Variants in CRPPA observed in about 807,000 individuals in gnomAD.
The protein encoded by CRPPA is D-ribitol-5-phosphate cytidylyltransferase.
CRPPA carries 43 observed loss-of-function variants against 52.0 expected under a neutral mutation model. The observed-to-expected ratio is 0.83, with a 90% CI of 0.65 to 1.07. CRPPA has a LOEUF of 1.07. Ranked by LOEUF, CRPPA falls within the 50% of genes least tolerant of loss-of-function variation. CRPPA has a pLI of 0.00. For missense variants in CRPPA, 629 were observed against 551.7 expected (o/e 1.14, Z -1.40); for synonymous variants, 250 against 203.5 (o/e 1.23, Z -1.94).
intron 6 of CRPPA, chr7:16,269,916 A>G (rs1022746972): frequency 2.0e-5 from 3 of 152,206 alleles, no homozygotes; most frequent in Non-Finnish European, 4.4e-5. Context: ...AAAATTAATG[A>G]CATGAAGTGA....
intron 9 of CRPPA, among the ~76,000 whole-genome samples, chr7:16,095,005 T>C (rs561219247): frequency 6.6e-6 from 1 of 152,128 alleles, no homozygotes; most frequent in Non-Finnish European, 1.5e-5. Context: ...TTAATAATAA[T>C]ACATCAATGT....
chr7:16,286,097 A>AAAAT, intron 5 of CRPPA, among the ~76,000 whole-genome samples: 624 of 39,112 alleles, frequency 0.016, 87 homozygotes, highest in African/African-American at 0.025. Context: ...TAAAAAAAAA[A>AAAAT]ATATATATAT....
intron 6 of CRPPA, among the ~76,000 whole-genome samples, chr7:16,259,251 A>G (rs1395034392): frequency 1.3e-5 from 2 of 152,074 alleles, no homozygotes; most frequent in Non-Finnish European, 2.9e-5. Flanking sequence ...TAGGAAAAAA[A>G]TATGGACATA....
rs115661658 is a variant in CRPPA, at chr7:16,284,143, G to A, written c.836-5917C>T. Among the ~76,000 whole-genome samples, 1,006 of 152,070 alleles carry A rather than the reference G, an allele frequency of 6.6e-3. 12 individuals carry two copies. Among genetic ancestry groups the A allele is most frequent in the African/African-American group, 0.023 (956 of 41,530 alleles). On this transcript the variant is annotated intron_variant, in intron 5 of 9. Transcript: ENST00000407010. ...AGGACAAATCAAGGGCAAGGAGATG[G>A]ACTTGAAAAGTCTTTTCATTTATTG...
At chr7:16,202,586 G>A (rs1781884678) in intron 9 of CRPPA, among the ~76,000 whole-genome samples, 1 of 152,130 alleles carries the variant, frequency 6.6e-6, no homozygotes, top group Admixed American at 6.5e-5. Flanking sequence ...CAATTAGCAT[G>A]AATAAGTAAA....
At chr7:16,144,662 G>A (rs1172907153) in intron 9 of CRPPA, among the ~76,000 whole-genome samples, 1 of 152,114 alleles carries the variant, frequency 6.6e-6, no homozygotes, top group Non-Finnish European at 1.5e-5. Context: ...ACTGGGTGGG[G>A]GGAGTCAATG....
At position 16,087,552 on chromosome 7, in the gene CRPPA, C is replaced by T. The variant is rs1309678179; in HGVS notation, c.*4143G>A. The T allele has an allele frequency of 1.3e-5, 2 of 151,438 alleles. No homozygotes were observed. The highest frequency in any genetic ancestry group is 6.6e-5 in the Admixed American group (1 of 15,204). The allele number at this position is 151,438 out of a possible 1,614,324, so 9.4% of individuals were successfully genotyped here. A position where few individuals can be genotyped will look rare whatever the true frequency, so the allele number is the denominator to read the frequency against. Reference sequence around the variant, plus strand: ...AGATTTTAAATCAATAATTTATTTACATTTTGTTTTGTAAAAACAACATAT... The same window carrying T: ...AGATTTTAAATCAATAATTTATTTATATTTTGTTTTGTAAAAACAACATAT... On this transcript the variant is annotated 3_prime_UTR_variant, in exon 10 of 10. Coordinates refer to ENST00000407010, the MANE Select transcript of CRPPA (RefSeq NM_001101426.4).
At chr7:16,380,647 G>C (rs2128312984) in intron 2 of CRPPA, among the ~76,000 whole-genome samples, 1 of 152,204 alleles carries the variant, frequency 6.6e-6, no homozygotes, top group South Asian at 2.1e-4. Context: ...GTAAGCTATT[G>C]ATTATTGCCA....
intron 5 of CRPPA, among the ~76,000 whole-genome samples, chr7:16,283,552 A>G (rs191120055): frequency 0.052 from 7,742 of 149,580 alleles, 279 homozygotes; most frequent in Non-Finnish European, 0.081. Flanking sequence ...TATACTATAT[A>G]TGTGTGTGTG....
At chr7:16,253,383 AG>A in intron 8 of CRPPA, among the ~76,000 whole-genome samples, 1 of 152,328 alleles carries the variant, frequency 6.6e-6, no homozygotes, top group Middle Eastern at 3.4e-3. Flanking sequence ...ATTCAGGAGC[AG>A]GTTGTTCAGT....
At chr7:16,207,180 C>G (rs1464786551) in intron 9 of CRPPA, among the ~76,000 whole-genome samples, 2 of 152,064 alleles carry the variant, frequency 1.3e-5, no homozygotes, top group African/African-American at 4.8e-5. Flanking sequence ...TTGCATATGA[C>G]CAAATTCTAC....
chr7:16,387,063 A>G (rs981467636), intron 2 of CRPPA, among the ~76,000 whole-genome samples: 1 of 90,468 alleles, frequency 1.1e-5, no homozygotes, highest in African/African-American at 5.4e-5. Flanking sequence ...ATATATATAT[A>G]TATATATATA....
chr7:16,311,780 T>C (rs185348028), intron 3 of CRPPA, among the ~76,000 whole-genome samples: 7 of 152,232 alleles, frequency 4.6e-5, no homozygotes, highest in African/African-American at 1.7e-4. Context: ...CATTTTGAGT[T>C]AATGGTTGTG....
At chr7:16,356,288 T>A (rs944682113) in intron 3 of CRPPA, among the ~76,000 whole-genome samples, 1 of 152,238 alleles carries the variant, frequency 6.6e-6, no homozygotes, top group Non-Finnish European at 1.5e-5. Context: ...ACCTTCTTTC[T>A]TGGGTAAAAT....
chr7:16,298,655 T>TA (rs745858614), intron 5 of CRPPA, among the ~76,000 whole-genome samples: 14 of 152,362 alleles, frequency 9.2e-5, no homozygotes, highest in Non-Finnish European at 1.6e-4. Flanking sequence ...TGGTTAATTT[T>TA]ATGTGTCAAT....
intron 5 of CRPPA, among the ~76,000 whole-genome samples, chr7:16,284,004 G>C (rs1412624094): frequency 2.0e-5 from 3 of 151,956 alleles, no homozygotes; most frequent in Non-Finnish European, 4.4e-5. Context: ...TTGATACTTT[G>C]GCAGCACTTT....
Position 16,249,995 on chromosome 7 carries a change from A to G in CRPPA, c.1119+8395T>C, listed in dbSNP as rs961162678. ...GCTAAGAACCTTTAAAAAAGGTTAG[A>G]CAAATAGCTAACTAGAATAACCAGT... On this transcript the variant is annotated intron_variant, in intron 8 of 9. Transcript: ENST00000407010. Among the ~76,000 whole-genome samples the G allele has an allele frequency of 3.9e-5, 6 of 152,338 alleles. No homozygotes were observed. In the East Asian group the frequency reaches 1.2e-3, roughly 29 times the overall value.
intron 1 of CRPPA, among the ~76,000 whole-genome samples, chr7:16,416,378 T>C (rs1254298873): frequency 6.6e-6 from 1 of 152,052 alleles, no homozygotes; most frequent in Non-Finnish European, 1.5e-5. Flanking sequence ...TCAAGATAGA[T>C]TAAAGATTTA....
chr7:16,099,697 G>A (rs747457798), intron 9 of CRPPA, among the ~76,000 whole-genome samples: 2 of 152,174 alleles, frequency 1.3e-5, no homozygotes, highest in Non-Finnish European at 2.9e-5. Context: ...CTGGCCTGAA[G>A]AACAAACAGT....
Sources: allele counts gnomAD v4.1 joint callset (sites outside exome capture counted in the v4.1 genomes callset), GRCh38; gene constraint gnomAD v4.1.1; transcripts MANE v1.5; gene names NCBI Gene and HGNC (gene_info 2026-07-23, HGNC 2026-07-21).